MACROD2: variants seen among roughly 807,000 people sequenced by gnomAD.
MACROD2 encodes mono-ADP ribosylhydrolase 2, also known as ADP-ribose glycohydrolase MACROD2.
Under a neutral mutation model 70.4 loss-of-function variants are expected in MACROD2, and 36 were observed. The observed-to-expected ratio is 0.51, with a 90% CI of 0.39 to 0.68. The LOEUF (loss-of-function observed/expected upper bound fraction) is 0.68. Ranked by LOEUF, MACROD2 falls within the 30% of genes least tolerant of loss-of-function variation. The probability of loss-of-function intolerance (pLI) is 0.00; values close to 1 mark genes in which losing one functional copy is unlikely to be tolerated. For synonymous variants in MACROD2, 172 were observed against 178.8 expected (o/e 0.96, Z 0.30); for missense variants, 496 against 538.4 (o/e 0.92, Z 0.78).
chr20:14,858,322 C>A (rs907818869), intron 5 of MACROD2, among the ~76,000 whole-genome samples: 1 of 152,022 alleles, frequency 6.6e-6, no homozygotes, highest in South Asian at 2.1e-4. Context: ...ATGAGACAAG[C>A]CGGCAGTGAC....
At chr20:15,442,104 A>G (rs6079824) in intron 7 of MACROD2, among the ~76,000 whole-genome samples, 26,503 of 152,102 alleles carry the variant, frequency 0.17, 2,840 homozygotes, top group Non-Finnish European at 0.25. Context: ...CTCCTTGTAC[A>G]TACTTGTGTC....
intron 4 of MACROD2, among the ~76,000 whole-genome samples, chr20:14,676,255 G>T (rs2070860081): frequency 6.6e-6 from 1 of 152,072 alleles, no homozygotes; most frequent in Non-Finnish European, 1.5e-5. Flanking sequence ...ATTCTTTTCA[G>T]CACCACATCA....
chr20:15,969,861 A>T (rs1227122794), intron 13 of MACROD2, among the ~76,000 whole-genome samples: 1 of 151,806 alleles, frequency 6.6e-6, no homozygotes, highest in Non-Finnish European at 1.5e-5. Context: ...AGCAGAATAA[A>T]TATAAATAAA....
chr20:15,709,761 A>G (rs534488017), intron 8 of MACROD2, among the ~76,000 whole-genome samples: 1 of 152,354 alleles, frequency 6.6e-6, no homozygotes, highest in Admixed American at 6.5e-5. Context: ...GATAATTAGC[A>G]TATTTATCAC....
At chr20:15,085,523 A>T (rs1424874704) in intron 5 of MACROD2, among the ~76,000 whole-genome samples, 1 of 152,142 alleles carries the variant, frequency 6.6e-6, no homozygotes. Context: ...AGCATACATA[A>T]AGAACTTTTA....
chr20:15,598,925 C>G (rs1213300075), intron 8 of MACROD2, among the ~76,000 whole-genome samples: 1 of 152,120 alleles, frequency 6.6e-6, no homozygotes. Context: ...ACTGGAAGCC[C>G]TAAGCGAATC....
chr20:15,871,864 G>C (rs1443513115), intron 9 of MACROD2, among the ~76,000 whole-genome samples: 4 of 152,162 alleles, frequency 2.6e-5, no homozygotes, highest in Admixed American at 2.0e-4. Context: ...GTCCTTGGTT[G>C]AGAAATAGGA....
chr20:15,395,525 G>A (rs959389937), intron 6 of MACROD2, among the ~76,000 whole-genome samples: 3 of 152,116 alleles, frequency 2.0e-5, no homozygotes, highest in South Asian at 2.1e-4. Flanking sequence ...TTTGAAGACC[G>A]TGCAGTCTCT....
chr20:15,689,310 A>T (rs2050269102), intron 8 of MACROD2, among the ~76,000 whole-genome samples: 1 of 152,098 alleles, frequency 6.6e-6, no homozygotes, highest in African/African-American at 2.4e-5. Context: ...GTCTCAAAAA[A>T]AAAAAAAGAT....
At chr20:15,982,177 T>TG (rs1332669491) in intron 13 of MACROD2, among the ~76,000 whole-genome samples, 8 of 152,068 alleles carry the variant, frequency 5.3e-5, no homozygotes, top group Admixed American at 3.3e-4. Context: ...ACTGTGATCA[T>TG]GGGGGGTTCA....
intron 5 of MACROD2, among the ~76,000 whole-genome samples, chr20:14,808,078 C>G (rs1180437878): frequency 6.6e-6 from 1 of 151,986 alleles, no homozygotes; most frequent in Admixed American, 6.6e-5. Flanking sequence ...CATTCAAATT[C>G]AGGAAATACA....
chr20:14,819,263 C>T (rs1029154633), intron 5 of MACROD2, among the ~76,000 whole-genome samples: 4 of 151,254 alleles, frequency 2.6e-5, no homozygotes, highest in African/African-American at 9.7e-5. Context: ...AAGACTCTGC[C>T]TCAAAAACAA....
chr20:14,872,059 C>T (rs78588977), intron 5 of MACROD2, among the ~76,000 whole-genome samples: 2,698 of 152,130 alleles, frequency 0.018, 89 homozygotes, highest in African/African-American at 0.061. Flanking sequence ...TAGAGTCCCA[C>T]GCAGTAATAT....
chr20:14,688,160 G>A (rs538896270), intron 5 of MACROD2, among the ~76,000 whole-genome samples: 1 of 152,260 alleles, frequency 6.6e-6, no homozygotes, highest in South Asian at 2.1e-4. Flanking sequence ...CAGTTTGACA[G>A]CAGAGACTAG....
chr20:15,113,639 A>G (rs560383246), intron 5 of MACROD2, among the ~76,000 whole-genome samples: 38 of 152,222 alleles, frequency 2.5e-4, no homozygotes, highest in African/African-American at 8.9e-4. Flanking sequence ...CAGACTCAGA[A>G]AGCCTCCAAC....
intron 3 of MACROD2, among the ~76,000 whole-genome samples, chr20:14,315,313 T>G (rs574218483): frequency 2.4e-4 from 37 of 152,352 alleles, no homozygotes; most frequent in African/African-American, 8.4e-4. Context: ...GCTAATACTC[T>G]ACATTTGCAG....
At chr20:15,012,788 C>G (rs1439582228) in intron 5 of MACROD2, among the ~76,000 whole-genome samples, 1 of 152,168 alleles carries the variant, frequency 6.6e-6, no homozygotes. Flanking sequence ...TTGTTCCACC[C>G]CAGGGCTGCC....
chr20:15,228,005 C>A (rs1298199003), intron 5 of MACROD2, among the ~76,000 whole-genome samples: 2 of 151,606 alleles, frequency 1.3e-5, no homozygotes, highest in Non-Finnish European at 2.9e-5. Flanking sequence ...CAAGTAGCCA[C>A]CAGAGGGGAA....
intron 2 of MACROD2, among the ~76,000 whole-genome samples, chr20:14,079,634 T>A (rs1488253511): frequency 6.6e-6 from 1 of 152,212 alleles, no homozygotes; most frequent in Non-Finnish European, 1.5e-5. Flanking sequence ...ATTATTTGGA[T>A]AAGTTCAATA....
Sources: gnomAD v4.1 joint callset for allele counts (sites outside exome capture counted in the v4.1 genomes callset) on GRCh38, gnomAD v4.1.1 for gene constraint, MANE v1.5 for transcripts, NCBI Gene and HGNC (gene_info 2026-07-23, HGNC 2026-07-21) for gene names.